MED16: variants seen among roughly 807,000 people sequenced by gnomAD.
MED16 encodes the protein mediator complex subunit 16, also known as mediator of RNA polymerase II transcription subunit 16.
In MED16, 81 loss-of-function variants were observed where a neutral mutation model predicts 84.4. The observed-to-expected ratio is 0.96, with a 90% CI of 0.80 to 1.15. The LOEUF is 1.15. MED16 is among the 50% of genes most tolerant of loss of function. The probability of loss-of-function intolerance (pLI) is 0.00; values close to 1 mark genes in which losing one functional copy is unlikely to be tolerated. For missense variants in MED16, 1,585 were observed against 1,245.9 expected (o/e 1.27, Z -4.10); for synonymous variants, 897 against 552.2 (o/e 1.62, Z -8.76).
intron 6 of MED16, among the ~76,000 whole-genome samples, chr19:883,973 C>T (rs1023897117): frequency 6.6e-6 from 1 of 152,156 alleles, no homozygotes; most frequent in Non-Finnish European, 1.5e-5. Flanking sequence ...GGCAGTGGCC[C>T]TCTTCACCTT....
chr19:890,086 T>A, intron 3 of MED16, 51 bp downstream of exon 3: 2 of 1,390,104 alleles, frequency 1.4e-6, no homozygotes, highest in Non-Finnish European at 2.0e-6. Context: ...AGGGCCCCCC[T>A]GCTCCGGGAT....
At chr19:877,376 G>A (rs1462821793) in intron 8 of MED16, among the ~76,000 whole-genome samples, 196 bp from the exon 9 acceptor site, 4 of 152,156 alleles carry the variant, frequency 2.6e-5, no homozygotes, top group Non-Finnish European at 1.5e-5. Context: ...TCTGGGAACA[G>A]GGAAGGAAAC....
At chr19:884,777 C>G in intron 6 of MED16, 126 bp downstream of exon 6, 2 of 704,194 alleles carry the variant, frequency 2.8e-6, no homozygotes, top group East Asian at 5.4e-5. Flanking sequence ...GAGATCGAGG[C>G]GAGACGATCG....
At chr19:876,855 T>C (rs2036244567) in intron 9 of MED16, 119 bp downstream of exon 9, 1 of 884,804 alleles carries the variant, frequency 1.1e-6, no homozygotes, top group Non-Finnish European at 1.6e-6. Flanking sequence ...CAGCCCCACC[T>C]GGCACGGGAC....
intron 11 of MED16, among the ~76,000 whole-genome samples, chr19:872,421 C>T (rs1460799974): frequency 1.3e-5 from 2 of 152,150 alleles, no homozygotes; most frequent in African/African-American, 4.8e-5. Context: ...AGCAGCCGCC[C>T]CCTCCTACAG....
intron 6 of MED16, among the ~76,000 whole-genome samples, chr19:883,747 G>C (rs1361165692): frequency 6.6e-6 from 1 of 152,150 alleles, no homozygotes; most frequent in Non-Finnish European, 1.5e-5. Flanking sequence ...GGGCAGTGAA[G>C]GTGCAGGTCT....
chr19:874,208 G>A (rs187721294), intron 10 of MED16, among the ~76,000 whole-genome samples: 308 of 152,180 alleles, frequency 2.0e-3, no homozygotes, highest in African/African-American at 7.1e-3. Flanking sequence ...CCGCCTCCCG[G>A]GTTCACGCCA....
intron 8 of MED16, among the ~76,000 whole-genome samples, chr19:877,879 C>A (rs12973405): frequency 8.3e-6 from 1 of 120,810 alleles, no homozygotes; most frequent in Non-Finnish European, 1.8e-5. Context: ...TCGCCTTCCC[C>A]TGGTTGTCAA....
rs1459145698 is a variant in MED16, at chr19:877,188, A to G, written c.1354-8T>C. ...GAGGCGGAGCACGCTCAGCTGCCAGAGACAGAGCCCAAGGAGAGCCCGGTG... is the reference window on the plus strand; with the variant it reads ...GAGGCGGAGCACGCTCAGCTGCCAGGGACAGAGCCCAAGGAGAGCCCGGTG... On this transcript the variant is annotated splice_region_variant and splice_polypyrimidine_tract_variant and intron_variant, in intron 8 of 15. Transcript: ENST00000325464. The G allele has an allele frequency of 3.1e-6, 5 of 1,604,046 alleles. No homozygotes were observed. The highest frequency in any genetic ancestry group is 1.3e-5 in the African/African-American group (1 of 74,840).
At chr19:875,107 T>C (rs933780720) in intron 10 of MED16, 137 bp downstream of exon 10, 5 of 535,146 alleles carry the variant, frequency 9.3e-6, no homozygotes, top group African/African-American at 5.9e-5. Context: ...GAGGCTGCAG[T>C]GAGCTGAGAT....
At chr19:885,344 C>T (rs2036503668) in intron 5 of MED16, among the ~76,000 whole-genome samples, 1 of 152,130 alleles carries the variant, frequency 6.6e-6, no homozygotes, top group African/African-American at 2.4e-5. Context: ...CAACAGTGGC[C>T]CCCAGAACAT....
intron 2 of MED16, 29 bp from the exon 3 acceptor site, chr19:890,273 C>G: frequency 7.0e-7 from 1 of 1,428,154 alleles, no homozygotes; most frequent in Middle Eastern, 1.8e-4. Context: ...GTCAGCACGG[C>G]CTGGCACCAC....
At chr19:891,236 G>T in intron 1 of MED16, 87 bp from the exon 2 acceptor site, 1 of 1,323,454 alleles carries the variant, frequency 7.6e-7, no homozygotes, top group Non-Finnish European at 1.0e-6. Context: ...GAAAACAATG[G>T]AGGCCCGTGG....
chr19:871,763 G>GA, intron 12 of MED16, 163 bp downstream of exon 12: 1 of 573,150 alleles, frequency 1.7e-6, no homozygotes, highest in East Asian at 3.6e-5. Context: ...TAGGGAGAGG[G>GA]GAGCGGGGAG....
intron 6 of MED16, among the ~76,000 whole-genome samples, chr19:883,944 A>G (rs985349085): frequency 1.3e-5 from 2 of 152,070 alleles, no homozygotes; most frequent in Non-Finnish European, 2.9e-5. Context: ...GACTCACTAC[A>G]AGCCCTGGGG....
chr19:871,506 G>A (rs2036054129), intron 12 of MED16: 5 of 1,526,286 alleles, frequency 3.3e-6, no homozygotes, highest in Non-Finnish European at 4.4e-6. Context: ...AAAGTATGTG[G>A]GAAGCACTGT....
At position 871,272 on chromosome 19, in the gene MED16, G is replaced by A. The variant is rs965718534; in HGVS notation, c.2099-19C>T. The A allele has an allele frequency of 2.0e-5, 30 of 1,525,076 alleles. No homozygotes were observed. The highest frequency in any genetic ancestry group is 2.7e-5 in the Non-Finnish European group (30 of 1,129,848). The allele number at this position is 1,525,076 out of a possible 1,614,324, so 94.5% of individuals were successfully genotyped here. A position where few individuals can be genotyped will look rare whatever the true frequency, so the allele number is the denominator to read the frequency against. ...TCGCGACCTGCGGAGAGAGGTGGCG[G>A]AAGTCTCAGCACCCCTGACTGGGGC... On this transcript the variant is annotated intron_variant, in intron 12 of 15. Transcript: ENST00000325464.
chr19:872,237 G>T, intron 11 of MED16, 119 bp from the exon 12 acceptor site: 1 of 823,268 alleles, frequency 1.2e-6, no homozygotes, highest in Non-Finnish European at 1.9e-6. Context: ...TGGGACATTT[G>T]TGGTGGTCAG....
At chr19:885,699 C>A in intron 5 of MED16, 71 bp downstream of exon 5, 1 of 1,549,286 alleles carries the variant, frequency 6.5e-7, no homozygotes, top group East Asian at 2.3e-5. Flanking sequence ...CGGGTCTCCA[C>A]CCCCAGGACC....
Sources: gnomAD v4.1 joint callset for allele counts (sites outside exome capture counted in the v4.1 genomes callset) on GRCh38, gnomAD v4.1.1 for gene constraint, MANE v1.5 for transcripts, NCBI Gene and HGNC (gene_info 2026-07-23, HGNC 2026-07-21) for gene names.